The following GRID2 variants were observed in gnomAD, a reference collection of about 807,000 sequenced individuals.
The protein encoded by GRID2 is glutamate receptor ionotropic, delta-2.
A neutral mutation model predicts 114.8 loss-of-function variants in GRID2; 33 were observed. The ratio of observed to expected loss-of-function variants is 0.29; its 90% CI spans 0.22 to 0.38. The LOEUF is 0.38. GRID2 is among the 10% of genes least tolerant of loss of function. The pLI is 1.00. For missense variants in GRID2, 1,184 were observed against 1,257.7 expected, an observed-to-expected ratio of 0.94 and a Z score of 0.89; for synonymous variants, 505 against 449.9, an observed-to-expected ratio of 1.12 and a Z score of -1.55.
At chr4:93,671,681 G>T (rs546937282) in intron 14 of GRID2, among the ~76,000 whole-genome samples, 1 of 152,202 alleles carries the variant, frequency 6.6e-6, no homozygotes, top group African/African-American at 2.4e-5. Flanking sequence ...TTATTAAAAT[G>T]AACCAGGTTG....
At chr4:93,666,485 G>A (rs545677803) in intron 14 of GRID2, among the ~76,000 whole-genome samples, 6 of 152,130 alleles carry the variant, frequency 3.9e-5, no homozygotes, top group Non-Finnish European at 8.8e-5. Context: ...AGATTTGGGC[G>A]ATTTGAAGAG....
intron 2 of GRID2, among the ~76,000 whole-genome samples, chr4:93,030,257 C>T (rs764693211): frequency 3.3e-5 from 5 of 152,056 alleles, no homozygotes; most frequent in East Asian, 1.9e-4. Context: ...CCTTTTCTCC[C>T]GCTCTCCTTT....
chr4:93,212,065 A>G (rs1218308807), intron 5 of GRID2, among the ~76,000 whole-genome samples: 2 of 152,114 alleles, frequency 1.3e-5, no homozygotes, highest in Non-Finnish European at 2.9e-5. Flanking sequence ...AAAGAAAAAA[A>G]AAACATGGAT....
chr4:92,990,809 A>T (rs1346310356), intron 2 of GRID2, among the ~76,000 whole-genome samples: 1 of 152,170 alleles, frequency 6.6e-6, no homozygotes, highest in East Asian at 1.9e-4. Flanking sequence ...ACTACTGAAA[A>T]TATACAAACA....
intron 4 of GRID2, among the ~76,000 whole-genome samples, chr4:93,196,834 G>C (rs962866957): frequency 1.3e-5 from 2 of 152,106 alleles, no homozygotes; most frequent in Non-Finnish European, 2.9e-5. Flanking sequence ...TGAAAGAACA[G>C]TAACAGATAA....
At chr4:93,068,834 A>G (rs1359410015) in intron 2 of GRID2, among the ~76,000 whole-genome samples, 1 of 152,062 alleles carries the variant, frequency 6.6e-6, no homozygotes, top group East Asian at 1.9e-4. Flanking sequence ...ATAAAGAAAT[A>G]CCTGATATTG....
At chr4:92,375,082 T>C (rs2110225625) in intron 1 of GRID2, among the ~76,000 whole-genome samples, 1 of 152,248 alleles carries the variant, frequency 6.6e-6, no homozygotes, top group South Asian at 2.1e-4. Flanking sequence ...GAGTTTTAAA[T>C]GTGTATCAGG....
At chr4:92,602,213 A>AAAAAG (rs1272517534) in intron 2 of GRID2, among the ~76,000 whole-genome samples, 3 of 151,590 alleles carry the variant, frequency 2.0e-5, no homozygotes, top group East Asian at 1.9e-4. Flanking sequence ...TAAAAAAAAA[A>AAAAAG]AAAAGAAAAG....
chr4:92,854,716 A>C (rs1438112323), intron 2 of GRID2, among the ~76,000 whole-genome samples: 2 of 152,036 alleles, frequency 1.3e-5, no homozygotes, highest in African/African-American at 2.4e-5. Flanking sequence ...AGGATAATAT[A>C]TTTCCAAATA....
In GRID2 at chr4:92,738,550, CAAT is replaced by C. The variant is rs201435698; in HGVS notation, c.244+148267_244+148269del. On this transcript the variant is annotated intron_variant, in intron 2 of 15. Coordinates refer to ENST00000282020, the MANE Select transcript of GRID2 (RefSeq NM_001510.4). Reference sequence around the variant, plus strand: ...TAAGTTACATTTTAATTTTGGAAAACAATAAAAAATTAATGTTTTTAAATTTTG... The same window carrying C: ...TAAGTTACATTTTAATTTTGGAAAACAAAAAATTAATGTTTTTAAATTTTG... Among the ~76,000 whole-genome samples the C allele has an allele frequency of 6.6e-5, 10 of 151,988 alleles. No homozygotes were observed. In the East Asian group the frequency reaches 1.5e-3, roughly 23 times the overall value.
Position 93,164,197 on chromosome 4 carries a change from G to A in GRID2, c.736-43207G>A, listed in dbSNP as rs115803044. On this transcript the variant is annotated intron_variant, in intron 4 of 15. Transcript: ENST00000282020. ...AATTTAGAAAAGAAAATAAACAGAGGGAAATACCGAACAATACAGATGGCT... is the reference window on the plus strand; with the variant it reads ...AATTTAGAAAAGAAAATAAACAGAGAGAAATACCGAACAATACAGATGGCT... 2.4e-3 allele frequency among the ~76,000 whole-genome samples: 359 copies of A among 152,028 alleles called. 1 individual carries two copies. The highest frequency in any genetic ancestry group is 8.2e-3 in the African/African-American group (341 of 41,486).
intron 5 of GRID2, among the ~76,000 whole-genome samples, chr4:93,215,597 C>A (rs1744115624): frequency 6.6e-6 from 1 of 151,852 alleles, no homozygotes; most frequent in Admixed American, 6.6e-5. Context: ...ATTAAATGCC[C>A]AGAAATCCAG....
chr4:93,029,691 C>T (rs1017036989), intron 2 of GRID2, among the ~76,000 whole-genome samples: 1 of 151,812 alleles, frequency 6.6e-6, no homozygotes, highest in Non-Finnish European at 1.5e-5. Flanking sequence ...ACAAAATATA[C>T]AATAGCATCA....
chr4:92,535,274 GTGT>G (rs1477639009), intron 1 of GRID2, among the ~76,000 whole-genome samples: 1 of 152,084 alleles, frequency 6.6e-6, no homozygotes, highest in African/African-American at 2.4e-5. Context: ...TAACTTTTAA[GTGT>G]TGTTAGAATT....
intron 8 of GRID2, among the ~76,000 whole-genome samples, chr4:93,311,348 T>C (rs865897561): frequency 2.0e-4 from 31 of 152,186 alleles, no homozygotes; most frequent in Admixed American, 1.2e-3. Flanking sequence ...CTGTCTTGAA[T>C]AATGAACCAT....
At chr4:92,416,508 G>C (rs1731624000) in intron 1 of GRID2, among the ~76,000 whole-genome samples, 1 of 152,076 alleles carries the variant, frequency 6.6e-6, no homozygotes, top group South Asian at 2.1e-4. Context: ...CTTTTCTGAT[G>C]TTATCTTCTA....
chr4:92,796,895 G>T (rs558148164), intron 2 of GRID2, among the ~76,000 whole-genome samples: 103 of 151,802 alleles, frequency 6.8e-4, no homozygotes, highest in Non-Finnish European at 1.1e-3. Context: ...TAGCAATTCT[G>T]CACCCATGTA....
In GRID2 at chr4:92,939,250, T is replaced by C. The variant is rs1234115347; in HGVS notation, c.245-145745T>C. ...TGTTGTTTCCTGACATTTTAATGAT[T>C]GCCATTCTAACTGGTGGGAGATGAT... On this transcript the variant is annotated intron_variant, in intron 2 of 15. Coordinates refer to ENST00000282020, the MANE Select transcript of GRID2 (RefSeq NM_001510.4). Among the ~76,000 whole-genome samples, 3 of 147,300 alleles carry C rather than the reference T, an allele frequency of 2.0e-5. 1 individual carries two copies. Among genetic ancestry groups the C allele is most frequent in the South Asian group, 4.5e-4 (2 of 4,414 alleles).
At position 93,149,326 on chromosome 4, in the gene GRID2, C is replaced by G. The variant is rs150584845; in HGVS notation, c.735+38373C>G. 2.3e-3 allele frequency among the ~76,000 whole-genome samples: 347 copies of G among 152,166 alleles called. 1 individual carries two copies. The highest frequency in any genetic ancestry group is 7.9e-3 in the African/African-American group (329 of 41,534). On this transcript the variant is annotated intron_variant, in intron 4 of 15. Transcript: ENST00000282020. Reference sequence around the variant, plus strand: ...GGGTGGCTGACGCCTATAATCCCAGCACTTTGGGAGGCGGAGGCAGGTGGG... The same window carrying G: ...GGGTGGCTGACGCCTATAATCCCAGGACTTTGGGAGGCGGAGGCAGGTGGG...
Sources: gnomAD v4.1 joint callset for allele counts (sites outside exome capture counted in the v4.1 genomes callset) on GRCh38, gnomAD v4.1.1 for gene constraint, MANE v1.5 for transcripts, NCBI Gene and HGNC (gene_info 2026-07-23, HGNC 2026-07-21) for gene names.